Variants in TRIM56 observed in about 807,000 individuals in gnomAD.
TRIM56 encodes E3 ubiquitin-protein ligase TRIM56.
Under a neutral mutation model 17.1 loss-of-function variants are expected in TRIM56, and 10 were observed. The observed-to-expected ratio is 0.58, with a 90% CI of 0.36 to 0.99. The LOEUF (loss-of-function observed/expected upper bound fraction) is 0.99, where lower values mean the gene tolerates loss of function less well. Among genes scored for constraint, TRIM56 ranks in the 50% least tolerant of loss-of-function variants. The pLI, the probability that TRIM56 is intolerant of heterozygous loss-of-function variation, is 0.01. For synonymous variants in TRIM56, 503 were observed against 473.5 expected, an observed-to-expected ratio of 1.06 and a Z score of -0.81; for missense variants, 923 against 1,052.3, an observed-to-expected ratio of 0.88 and a Z score of 1.70.
rs1360223807 is a variant in TRIM56 at position 101,095,946 on chromosome 7, G to A, written c.*6366G>A. 1 of 152,238 alleles carries A rather than the reference G, an allele frequency of 6.6e-6. No homozygotes were observed. The highest frequency in any genetic ancestry group is 1.5e-5 in the Non-Finnish European group (1 of 68,068). The allele number at this position is 152,238 out of a possible 1,614,324, so 9.4% of individuals were successfully genotyped here. On this transcript the variant is annotated 3_prime_UTR_variant, in exon 3 of 3. Transcript: ENST00000306085. ...AACACGCTTGTAATCACAGCACTTA[G>A]GGAGGCTGAGGCGGGTGGATGACCT...
At position 101,087,912 on chromosome 7, in the gene TRIM56, C is replaced by T; in HGVS notation, c.600C>T (p.His200=). The change falls in exon 3 of 3, where the codon CAC becomes CAT. Residue 200 remains histidine, a synonymous_variant. Transcript: ENST00000306085. Reference sequence around the variant, plus strand: ...GCCGCCTAGACCCCCACCTGGACCACCCCTGCCTGCCTCTGGCTGAAGCTG... The same window carrying T: ...GCCGCCTAGACCCCCACCTGGACCATCCCTGCCTGCCTCTGGCTGAAGCTG... ...RECRLDPHLD[H]PCLPLAEAVR... is the part of the protein sequence containing the mutation. 1 of 1,602,040 alleles carries T rather than the reference C, an allele frequency of 6.2e-7. No homozygotes were observed. Among genetic ancestry groups the T allele is most frequent in the South Asian group, 1.1e-5 (1 of 90,056 alleles).
In TRIM56 at chr7:101,097,321, A is replaced by T. The variant is rs1795665914; in HGVS notation, c.*7741A>T. 6.6e-6 allele frequency: 1 copy of T among 152,136 alleles called. No individual in the cohort carries two copies. The highest frequency in any genetic ancestry group is 6.5e-5 in the Admixed American group (1 of 15,272). The allele number at this position is 152,136 out of a possible 1,614,324, so 9.4% of individuals were successfully genotyped here. On this transcript the variant is annotated 3_prime_UTR_variant, in exon 3 of 3. Coordinates refer to ENST00000306085, the MANE Select transcript of TRIM56 (RefSeq NM_030961.3). The stretch of plus-strand genomic sequence containing the variant: ...AGGGGTGCGGACTTCTGTATTGGGG[A>T]GAAGGTCTTGGATGAACTGGGGCAG...
At position 101,090,764 on chromosome 7, in the gene TRIM56, C is replaced by T. The variant is rs950974022; in HGVS notation, c.*1184C>T. The stretch of plus-strand genomic sequence containing the variant: ...TGTCAGAGCAGGGGAGCCCTCCACG[C>T]AGCCACGGAGCCAGTCTGAGGGAAG... On this transcript the variant is annotated 3_prime_UTR_variant, in exon 3 of 3. Coordinates refer to ENST00000306085, the MANE Select transcript of TRIM56 (RefSeq NM_030961.3). 1 of 152,090 alleles carries T rather than the reference C, an allele frequency of 6.6e-6. No homozygotes were observed. Among genetic ancestry groups the T allele is most frequent in the African/African-American group, 2.4e-5 (1 of 41,390 alleles). 9.4% of individuals were successfully genotyped at this position (152,090 alleles called of 1,614,324 possible).
Position 101,091,572 on chromosome 7 carries a change from C to A in TRIM56, c.*1992C>A. On this transcript the variant is annotated 3_prime_UTR_variant, in exon 3 of 3. Coordinates refer to ENST00000306085, the MANE Select transcript of TRIM56 (RefSeq NM_030961.3). ...AGAAACCCCATCTCTACTAAAAATA[C>A]AAAAATTAGCTAGGCGTGGGAGCGG... 2.9e-6 allele frequency: 1 copy of A among 342,426 alleles called. No homozygotes were observed. Among genetic ancestry groups the A allele is most frequent in the South Asian group, 2.2e-5 (1 of 45,850 alleles). 21.2% of individuals were successfully genotyped at this position (342,426 alleles called of 1,614,324 possible). A position where few individuals can be genotyped will look rare whatever the true frequency, so the allele number is the denominator to read the frequency against.
rs1795547981 is a variant in TRIM56 at position 101,090,684 on chromosome 7, TAAAATAAA to T, written c.*1105_*1112del. On this transcript the variant is annotated 3_prime_UTR_variant, in exon 3 of 3. Transcript: ENST00000306085. ...TCACTTCTCAGCTAAGATCAAGTGT[TAAAATAAA>T]TAAATAAATAAATAAATAAATAAAT... 1.3e-5 allele frequency: 1 copy of T among 79,514 alleles called. No individual in the cohort carries two copies. The highest frequency in any genetic ancestry group is 4.1e-4 in the South Asian group (1 of 2,440). 4.9% of individuals were successfully genotyped at this position (79,514 alleles called of 1,614,324 possible).
Position 101,087,786 on chromosome 7 carries a change from TGAG to T in TRIM56, c.479_481del (p.Glu160del), listed in dbSNP as rs1202294290. 4 of 1,606,766 alleles carry T rather than the reference TGAG, an allele frequency of 2.5e-6. No individual in the cohort carries two copies. Among genetic ancestry groups the T allele is most frequent in the Non-Finnish European group, 3.4e-6 (4 of 1,178,328 alleles). On this transcript the variant is annotated inframe_deletion, in exon 3 of 3. Transcript: ENST00000306085. ...TGGGCTACAGGGCCGGGTGGTATGA[TGAG>T]GAGGCCCGGGAGCGCCAAGCGGCCC... is the stretch of plus-strand genomic sequence containing the variant.
Position 101,089,283 on chromosome 7 carries a change from T to A in TRIM56, c.1971T>A (p.Ser657Arg). Reference protein sequence around the residue: ...HFVGSDWQQNSVVICDGLGQV... With the variant: ...HFVGSDWQQNRVVICDGLGQV... Reference sequence around the variant, plus strand: ...TGGGGTCGGACTGGCAGCAGAATAGTGTGGTAATCTGTGATGGGCTGGGCC... The same window carrying A: ...TGGGGTCGGACTGGCAGCAGAATAGAGTGGTAATCTGTGATGGGCTGGGCC... The change falls in exon 3 of 3, where the codon AGT (serine) becomes AGA (arginine). Residue 657 changes from serine to arginine, a missense_variant. Physicochemically the swap from Ser to Arg is moderately radical, Grantham distance 110. This residue lies in a region of TRIM56 where 182 missense variants were observed against 243.1 expected (regional missense o/e 0.75). Transcript: ENST00000306085. 1 of 1,607,248 alleles carries A rather than the reference T, an allele frequency of 6.2e-7. No individual in the cohort carries two copies. Among genetic ancestry groups the A allele is most frequent in the Non-Finnish European group, 8.5e-7 (1 of 1,175,016 alleles).
At position 101,089,340 on chromosome 7, in the gene TRIM56, G is replaced by A; in HGVS notation, c.2028G>A (p.Leu676=). The A allele has an allele frequency of 6.2e-7, 1 of 1,607,626 alleles. No individual in the cohort carries two copies. Among genetic ancestry groups the A allele is most frequent in the Admixed American group, 1.7e-5 (1 of 59,738 alleles). The part of the protein sequence containing the change: ...QVVGEYKGPG[L]HGCQPGSVSV... ...TTGGGGAGTACAAGGGGCCAGGCCTGCATGGCTGCCAGCCGGGCTCCGTGT... is the reference window on the plus strand; with the variant it reads ...TTGGGGAGTACAAGGGGCCAGGCCTACATGGCTGCCAGCCGGGCTCCGTGT... The change falls in exon 3 of 3, where the codon CTG becomes CTA. Residue 676 remains leucine, a synonymous_variant. Coordinates refer to ENST00000306085, the MANE Select transcript of TRIM56 (RefSeq NM_030961.3).
Position 101,090,042 on chromosome 7 carries a change from G to C in TRIM56, c.*462G>C. On this transcript the variant is annotated 3_prime_UTR_variant, in exon 3 of 3. Transcript: ENST00000306085. Reference sequence around the variant, plus strand: ...CCCCGGCCCCCCTTGGACTGGCACAGGGTCCTACAGAGTCAGAGGAGGCCT... The same window carrying C: ...CCCCGGCCCCCCTTGGACTGGCACACGGTCCTACAGAGTCAGAGGAGGCCT... The C allele has an allele frequency of 5.9e-6, 1 of 169,510 alleles. No individual in the cohort carries two copies. Among genetic ancestry groups the C allele is most frequent in the South Asian group, 2.0e-4 (1 of 4,946 alleles). The allele number at this position is 169,510 out of a possible 1,614,324, so 10.5% of individuals were successfully genotyped here.
Position 101,088,855 on chromosome 7 carries a change from C to A in TRIM56, c.1543C>A (p.Pro515Thr). ...KRSPRITGLC[P>T]FGPREILVAD... ...GTCCCCCCGGATCACCGGGCTCTGT[C>A]CCTTCGGTCCCCGGGAGATCCTGGT... Residue 515 changes from proline to threonine, a missense_variant, in exon 3 of 3, where the codon CCC becomes ACC. Pro to Thr is a conservative substitution (Grantham distance 38). This residue lies in a region of TRIM56 where 643 missense variants were observed against 665.6 expected (regional missense o/e 0.97). Transcript: ENST00000306085. 1 of 1,613,882 alleles carries A rather than the reference C, an allele frequency of 6.2e-7. No homozygotes were observed. Among genetic ancestry groups the A allele is most frequent in the Non-Finnish European group, 8.5e-7 (1 of 1,180,040 alleles).
rs946675166 is a variant in TRIM56, at chr7:101,095,651, A to T, written c.*6071A>T. 1 of 152,138 alleles carries T rather than the reference A, an allele frequency of 6.6e-6. No homozygotes were observed. Among genetic ancestry groups the T allele is most frequent in the Non-Finnish European group, 1.5e-5 (1 of 68,026 alleles). 9.4% of individuals were successfully genotyped at this position (152,138 alleles called of 1,614,324 possible). ...TCCCACAGGCGCCCTAGAGATGGGG[A>T]TGCCAAGTGGCTTCTCGGGAAGCTG... On this transcript the variant is annotated 3_prime_UTR_variant, in exon 3 of 3. Coordinates refer to ENST00000306085, the MANE Select transcript of TRIM56 (RefSeq NM_030961.3).
At position 101,091,972 on chromosome 7, in the gene TRIM56, T is replaced by A; in HGVS notation, c.*2392T>A. The A allele has an allele frequency of 3.2e-6, 1 of 310,860 alleles. No individual in the cohort carries two copies. Among genetic ancestry groups the A allele is most frequent in the Non-Finnish European group, 6.4e-6 (1 of 157,296 alleles). The allele number at this position is 310,860 out of a possible 1,614,324, so 19.3% of individuals were successfully genotyped here. A position where few individuals can be genotyped will look rare whatever the true frequency, so the allele number is the denominator to read the frequency against. On this transcript the variant is annotated 3_prime_UTR_variant, in exon 3 of 3. Transcript: ENST00000306085. Reference sequence around the variant, plus strand: ...CTGACTGGTTTTCGTATTTTTTTGGTGGAGACGGGGTTTCACTGTGTTGGC... The same window carrying A: ...CTGACTGGTTTTCGTATTTTTTTGGAGGAGACGGGGTTTCACTGTGTTGGC...
At position 101,091,782 on chromosome 7, in the gene TRIM56, C is replaced by G. The variant is rs763886288; in HGVS notation, c.*2202C>G. The G allele has an allele frequency of 2.5e-5, 11 of 445,100 alleles. No individual in the cohort carries two copies. Among genetic ancestry groups the G allele is most frequent in the South Asian group, 1.7e-4 (11 of 63,198 alleles). The allele number at this position is 445,100 out of a possible 1,614,324, so 27.6% of individuals were successfully genotyped here. On this transcript the variant is annotated 3_prime_UTR_variant, in exon 3 of 3. Transcript: ENST00000306085. ...CCAAGGTCCCTCTCCCTCTCCCTCT[C>G]CCCACGGTCTCCCTCTGCCTCTCTT...
rs576426651 is a variant in TRIM56 at position 101,093,340 on chromosome 7, TAAA to T, written c.*3777_*3779del. On this transcript the variant is annotated 3_prime_UTR_variant, in exon 3 of 3. Transcript: ENST00000306085. ...CACCCAAGAATGATCAATAAAAAAT[TAAA>T]AAAAAAAAAAAAAAAAGAAAACCAA... 13 of 90,884 alleles carry T rather than the reference TAAA, an allele frequency of 1.4e-4. No individual in the cohort carries two copies. Among genetic ancestry groups the T allele is most frequent in the African/African-American group, 3.9e-4 (11 of 28,192 alleles). The allele number at this position is 90,884 out of a possible 1,614,324, so 5.6% of individuals were successfully genotyped here.
At position 101,094,933 on chromosome 7, in the gene TRIM56, T is replaced by TTC; in HGVS notation, c.*5353_*5354insTC. The TTC allele has an allele frequency of 6.6e-6, 1 of 152,160 alleles. No homozygotes were observed. The highest frequency in any genetic ancestry group is 2.4e-5 in the African/African-American group (1 of 41,498). The allele number at this position is 152,160 out of a possible 1,614,324, so 9.4% of individuals were successfully genotyped here. ...AGTGAATGTCTGTGAAGTGAATTAC[T>TTC]ATCTAGACAAGGATGAGACTGGTAT... is the stretch of plus-strand genomic sequence containing the variant. On this transcript the variant is annotated 3_prime_UTR_variant, in exon 3 of 3. Transcript: ENST00000306085.
In TRIM56 at chr7:101,087,441, C is replaced by T; in HGVS notation, c.129C>T (p.Asp43=). 6.2e-7 allele frequency: 1 copy of T among 1,613,478 alleles called. No homozygotes were observed. Reference sequence around the variant, plus strand: ...CCTGCCTGCATACCTACTGCCAAGACTGCCTGGCACAGCTGGCGGATGGCG... The same window carrying T: ...CCTGCCTGCATACCTACTGCCAAGATTGCCTGGCACAGCTGGCGGATGGCG... ...TLPCLHTYCQ[D]CLAQLADGGR... Residue 43 remains aspartate, a synonymous_variant, in exon 3 of 3, where the codon GAC becomes GAT. Coordinates refer to ENST00000306085, the MANE Select transcript of TRIM56 (RefSeq NM_030961.3).
Position 101,095,714 on chromosome 7 carries a change from T to C in TRIM56, c.*6134T>C, listed in dbSNP as rs1051874737. On this transcript the variant is annotated 3_prime_UTR_variant, in exon 3 of 3. Transcript: ENST00000306085. Reference sequence around the variant, plus strand: ...GGGCATTGTAAGATGGAGGGAAATATTAAGTTTTCTTCGTAAAGAGGTGAG... The same window carrying C: ...GGGCATTGTAAGATGGAGGGAAATACTAAGTTTTCTTCGTAAAGAGGTGAG... 3.3e-5 allele frequency: 5 copies of C among 152,068 alleles called. No individual in the cohort carries two copies. Among genetic ancestry groups the C allele is most frequent in the African/African-American group, 1.2e-4 (5 of 41,400 alleles). 9.4% of individuals were successfully genotyped at this position (152,068 alleles called of 1,614,324 possible).
At position 101,094,642 on chromosome 7, in the gene TRIM56, A is replaced by C. The variant is rs894198778; in HGVS notation, c.*5062A>C. On this transcript the variant is annotated 3_prime_UTR_variant, in exon 3 of 3. Transcript: ENST00000306085. ...GCCATTGGGGCAGGGTGGCAGTCCA[A>C]GGAACCGCTCTGGGAAGGTTTGCAA... 1.3e-5 allele frequency: 2 copies of C among 152,100 alleles called. No homozygotes were observed. Among genetic ancestry groups the C allele is most frequent in the Non-Finnish European group, 2.9e-5 (2 of 68,032 alleles). The allele number at this position is 152,100 out of a possible 1,614,324, so 9.4% of individuals were successfully genotyped here.
rs895751891 is a variant in TRIM56, at chr7:101,090,952, C to T, written c.*1372C>T. 1 of 152,186 alleles carries T rather than the reference C, an allele frequency of 6.6e-6. No homozygotes were observed. Among genetic ancestry groups the T allele is most frequent in the Admixed American group, 6.6e-5 (1 of 15,254 alleles). The allele number at this position is 152,186 out of a possible 1,614,324, so 9.4% of individuals were successfully genotyped here. A position where few individuals can be genotyped will look rare whatever the true frequency, so the allele number is the denominator to read the frequency against. On this transcript the variant is annotated 3_prime_UTR_variant, in exon 3 of 3. Coordinates refer to ENST00000306085, the MANE Select transcript of TRIM56 (RefSeq NM_030961.3). ...AACTAGGGGGTGAAGGAAGGTTGTC[C>T]TCTGTGGGCCACTATTGCTGGGGAA...
Sources: gnomAD v4.1 joint callset for allele counts on GRCh38, gnomAD v4.1.1 for gene constraint, gnomAD v4.1.1 regional missense constraint, MANE v1.5 for transcripts, NCBI Gene and HGNC (gene_info 2026-07-23, HGNC 2026-07-21) for gene names.